Variants in ZNF821 observed in about 807,000 individuals in gnomAD.
ZNF821 encodes the protein zinc finger protein 821.
In ZNF821, 16 loss-of-function variants were observed where a neutral mutation model predicts 44.3. The observed-to-expected ratio is 0.36, with a 90% CI of 0.24 to 0.55. The LOEUF (loss-of-function observed/expected upper bound fraction) is 0.55. Among genes scored for constraint, ZNF821 ranks in the 20% least tolerant of loss-of-function variants. The pLI, the probability that ZNF821 is intolerant of heterozygous loss-of-function variation, is 0.86. For synonymous variants in ZNF821, 204 were observed against 197.6 expected, an observed-to-expected ratio of 1.03 and a Z score of -0.27; for missense variants, 436 against 547.6, an observed-to-expected ratio of 0.80 and a Z score of 2.03.
chr16:71,860,526 T>C lies in ZNF821; in HGVS notation c.731A>G (p.Tyr244Cys), dbSNP rs778130705. Residue 244 changes from tyrosine (Y) to cysteine (C), a missense_variant, in exon 8 of 8, where the codon TAC becomes TGC. By Grantham distance (194) the Tyr-to-Cys change is radical (BLOSUM62 -2). Coordinates refer to ENST00000425432, the MANE Select transcript of ZNF821 (RefSeq NM_001201552.2). This position sits in a 1 kb window ranked among gnomAD's most constrained non-coding sequence, Gnocchi z 7.3. Reference sequence around the variant, plus strand: ...AGTCTGGGCTTCCAGCAGTTTACGGTAGGCAGCACAGTTGTTGCACACAAG... The same window carrying C: ...AGTCTGGGCTTCCAGCAGTTTACGGCAGGCAGCACAGTTGTTGCACACAAG... ...ILLVCNNCAA[Y>C]RKLLEAQTPS... The C allele has an allele frequency of 1.9e-6, 3 of 1,613,982 alleles. No homozygotes were observed. Among genetic ancestry groups the C allele is most frequent in the African/African-American group, 1.3e-5 (1 of 74,894 alleles).
chr16:71,874,791 T>G (rs1029393022), intron 3 of ZNF821, among the ~76,000 whole-genome samples: 3 of 152,204 alleles, frequency 2.0e-5, no homozygotes, highest in African/African-American at 7.2e-5. Context: ...CAGCATTAAA[T>G]TAAATATATT....
intron 3 of ZNF821, among the ~76,000 whole-genome samples, chr16:71,868,366 T>C (rs374045773): frequency 2.6e-5 from 4 of 152,198 alleles, no homozygotes; most frequent in South Asian, 2.1e-4. Flanking sequence ...ATTGGGAAGA[T>C]AGAGGCAAGA....
chr16:71,873,416 A>T (rs1309235851), intron 3 of ZNF821, among the ~76,000 whole-genome samples: 1 of 152,146 alleles, frequency 6.6e-6, no homozygotes, highest in African/African-American at 2.4e-5. Context: ...GTTTTTCCAT[A>T]ACTAATAACA....
chr16:71,882,591 T>C (rs1015219934), intron 2 of ZNF821, among the ~76,000 whole-genome samples: 1 of 152,142 alleles, frequency 6.6e-6, no homozygotes, highest in African/African-American at 2.4e-5. Flanking sequence ...AGTGGCCAAA[T>C]GGGGAACTGA....
chr16:71,862,006 G>T, intron 6 of ZNF821, 64 bp from the exon 7 acceptor site: 1 of 1,573,756 alleles, frequency 6.4e-7, no homozygotes, highest in African/African-American at 1.4e-5. Flanking sequence ...CACCCACTTA[G>T]AAATGACTTT....
At chr16:71,871,331 T>G (rs1197700048) in intron 3 of ZNF821, among the ~76,000 whole-genome samples, 1 of 152,196 alleles carries the variant, frequency 6.6e-6, no homozygotes, top group Non-Finnish European at 1.5e-5. Context: ...CTCAGAACTA[T>G]TCCTATTTTA....
At chr16:71,889,964 C>CAAAACA (rs920471492) in intron 1 of ZNF821, among the ~76,000 whole-genome samples, 4 of 152,016 alleles carry the variant, frequency 2.6e-5, no homozygotes, top group Non-Finnish European at 5.9e-5. Context: ...TCAGGCAAAA[C>CAAAACA]AAAACAAAAA....
At chr16:71,871,832 GTT>G (rs766183349) in intron 3 of ZNF821, among the ~76,000 whole-genome samples, 4 of 140,688 alleles carry the variant, frequency 2.8e-5, no homozygotes. Context: ...TTTGGCTAAG[GTT>G]TTTTTTTTTT....
chr16:71,865,260 G>A (rs775439667), intron 4 of ZNF821, among the ~76,000 whole-genome samples: 3 of 152,174 alleles, frequency 2.0e-5, no homozygotes, highest in Non-Finnish European at 4.4e-5. Context: ...AAGATGTGAA[G>A]CAAAACTGCA....
chr16:71,892,394 G>C (rs1174764310), intron 1 of ZNF821, among the ~76,000 whole-genome samples: 3 of 141,112 alleles, frequency 2.1e-5, no homozygotes, highest in Non-Finnish European at 4.6e-5. Context: ...AGCCTCCCCA[G>C]TAGCTGGGAC....
Position 71,864,934 on chromosome 16 carries a change from G to C in ZNF821, c.281C>G (p.Pro94Arg). The C allele has an allele frequency of 1.2e-6, 2 of 1,614,134 alleles. No individual in the cohort carries two copies. The highest frequency in any genetic ancestry group is 1.7e-6 in the Non-Finnish European group (2 of 1,180,026). The stretch of plus-strand genomic sequence containing the variant: ...CTCTACCACTTCGTTCCCACCAACA[G>C]GCTGTTCTGTATTTTCTAACTCTTT... ...VEKELENTEQ[P>R]VGGNEVVEHE... The change falls in exon 5 of 8, where the codon CCT (proline) becomes CGT (arginine). Residue 94 changes from proline to arginine, a missense_variant. Coordinates refer to ENST00000425432, the MANE Select transcript of ZNF821 (RefSeq NM_001201552.2).
intron 1 of ZNF821, chr16:71,883,545 A>G: frequency 4.9e-6 from 1 of 203,012 alleles, no homozygotes; most frequent in Non-Finnish European, 1.0e-5. Flanking sequence ...GGGGACTGAT[A>G]CCCCCCGGTC....
chr16:71,877,891 G>A (rs1387243399), intron 3 of ZNF821, among the ~76,000 whole-genome samples: 1 of 149,798 alleles, frequency 6.7e-6, no homozygotes, highest in Non-Finnish European at 1.5e-5. Context: ...CTGCACTCCA[G>A]CCTGGGCAAC....
At chr16:71,892,575 T>C (rs2036894166) in intron 1 of ZNF821, among the ~76,000 whole-genome samples, 1 of 124,208 alleles carries the variant, frequency 8.1e-6, no homozygotes. Flanking sequence ...GCCAAAATTT[T>C]TTTTTTTTTT....
chr16:71,892,460 G>A lies in ZNF821; in HGVS notation n.448+2429C>T, dbSNP rs538428802. Among the ~76,000 whole-genome samples, 76 of 151,314 alleles carry A rather than the reference G, an allele frequency of 5.0e-4. No individual in the cohort carries two copies. In the East Asian group the frequency reaches 0.014, roughly 28 times the overall value. ...TTTTTTTGTATTTTTAGTAGAGACG[G>A]GGTTTCACCGTGTTAGCCAGGATGG... On this transcript the variant is annotated intron_variant and non_coding_transcript_variant, in intron 1 of 2. Transcript: ENST00000561700.
chr16:71,874,890 C>A (rs138707630), intron 3 of ZNF821, among the ~76,000 whole-genome samples: 6 of 152,170 alleles, frequency 3.9e-5, no homozygotes, highest in Admixed American at 2.6e-4. Flanking sequence ...TATTGCCATA[C>A]GCAATGAAAA....
At chr16:71,875,470 TTG>T (rs2035700970) in intron 3 of ZNF821, among the ~76,000 whole-genome samples, 1 of 151,020 alleles carries the variant, frequency 6.6e-6, no homozygotes, top group Non-Finnish European at 1.5e-5. Flanking sequence ...TTTTTTTTTT[TTG>T]AGACGGAGTC....
intron 6 of ZNF821, among the ~76,000 whole-genome samples, chr16:71,863,584 T>C (rs2034180429): frequency 6.6e-6 from 1 of 152,070 alleles, no homozygotes; most frequent in African/African-American, 2.4e-5. Flanking sequence ...GGCTGGGGTC[T>C]TGCTATGTTG....
chr16:71,867,887 C>A, intron 4 of ZNF821, 25 bp downstream of exon 4: 2 of 1,534,830 alleles, frequency 1.3e-6, no homozygotes, highest in South Asian at 2.4e-5. Context: ...TGCCCTGAGT[C>A]ATTACCAGAA....
Sources: allele counts gnomAD v4.1 joint callset (sites outside exome capture counted in the v4.1 genomes callset), GRCh38; gene constraint gnomAD v4.1.1; non-coding constraint Gnocchi (gnomAD v3.1); transcripts MANE v1.5; gene names NCBI Gene and HGNC (gene_info 2026-07-23, HGNC 2026-07-21).